Variants in WDR64 observed in about 807,000 individuals in gnomAD.
WDR64 encodes WD repeat domain 64, also known as WD repeat-containing protein 64.
WDR64 carries 112 observed loss-of-function variants against 139.3 expected under a neutral mutation model. The observed-to-expected ratio is 0.80, with a 90% CI of 0.69 to 0.94. WDR64 has a LOEUF of 0.94. Among genes scored for constraint, WDR64 ranks in the 40% least tolerant of loss-of-function variants. The pLI is 0.00. For synonymous variants in WDR64, 444 were observed against 437.7 expected (o/e 1.01, Z -0.18); for missense variants, 1,206 against 1,293.1 (o/e 0.93, Z 1.03).
intron 5 of WDR64, among the ~76,000 whole-genome samples, chr1:241,678,860 GAAAAAAAAAA>G (rs58075238): frequency 3.0e-5 from 1 of 33,620 alleles, no homozygotes; most frequent in African/African-American, 1.2e-4. Flanking sequence ...TTCTTAAACT[GAAAAAAAAAA>G]AAAAAAAAAA....
Position 241,741,573 on chromosome 1 carries a change from TTCC to T in WDR64, c.1382_1384del (p.Pro461del), listed in dbSNP as rs778262228. On this transcript the variant is annotated inframe_deletion, in exon 12 of 28. Coordinates refer to ENST00000437684, the MANE Select transcript of WDR64 (RefSeq NM_001367482.1). ...AGGATGATACAAGATACAAAACAGG[TTCC>T]TCACACTCATGAACGAGAAATCAAT... 7.4e-6 allele frequency: 12 copies of T among 1,613,540 alleles called. No individual in the cohort carries two copies. Among genetic ancestry groups the T allele is most frequent in the Non-Finnish European group, 1.0e-5 (12 of 1,179,806 alleles).
intron 24 of WDR64, 55 bp downstream of exon 24, chr1:241,788,089 G>A (rs1334745621): frequency 1.4e-6 from 2 of 1,447,644 alleles, no homozygotes; most frequent in Non-Finnish European, 1.8e-6. Flanking sequence ...CTGTTGAGAT[G>A]CTGTGGCACT....
intron 21 of WDR64, among the ~76,000 whole-genome samples, chr1:241,777,023 CTTT>C (rs1658679248): frequency 6.6e-6 from 1 of 152,176 alleles, no homozygotes; most frequent in African/African-American, 2.4e-5. Context: ...AAAAGAACTT[CTTT>C]GAGGGCTGCT....
intron 10 of WDR64, among the ~76,000 whole-genome samples, chr1:241,723,939 C>T (rs7554209): frequency 0.065 from 9,782 of 150,402 alleles, 1,065 homozygotes; most frequent in African/African-American, 0.23. Context: ...CAATGGCAAC[C>T]TAAAAATAAG....
chr1:241,722,406 T>C (rs1270835856), intron 9 of WDR64, among the ~76,000 whole-genome samples: 2 of 152,126 alleles, frequency 1.3e-5, no homozygotes, highest in East Asian at 3.8e-4. Context: ...TGTAACATAA[T>C]GATACCACAC....
Position 241,677,746 on chromosome 1 carries a change from T to G in WDR64, c.484-441T>G, listed in dbSNP as rs114524597. On this transcript the variant is annotated intron_variant, in intron 4 of 27. Coordinates refer to ENST00000437684, the MANE Select transcript of WDR64 (RefSeq NM_001367482.1). ...TCTTTTAAGTCTCAACTTGGAGAGA[T>G]AACTTTAAACAAAACAATGGTAGTT... Among the ~76,000 whole-genome samples, 1,381 of 152,328 alleles carry G rather than the reference T, an allele frequency of 9.1e-3. 18 individuals carry two copies. Among genetic ancestry groups the G allele is most frequent in the African/African-American group, 0.031 (1,298 of 41,570 alleles).
intron 14 of WDR64, 107 bp downstream of exon 14, chr1:241,749,829 A>AGGATAAATACCATCTTC: frequency 2.3e-6 from 3 of 1,284,742 alleles, no homozygotes; most frequent in Non-Finnish European, 2.2e-6. Flanking sequence ...TAGCCAGCTG[A>AGGATAAATACCATCTTC]AGATGGTATT....
In WDR64 at chr1:241,738,467, C is replaced by T. The variant is rs929850479; in HGVS notation, c.1299C>T (p.Ala433=). ...DMQIYSMIYD[A]NHGMLITGSS... is the part of the protein sequence containing the mutation. Reference sequence around the variant, plus strand: ...AGATTTACTCTATGATATATGATGCCAATCATGGCATGCTTATTACGGGTA... The same window carrying T: ...AGATTTACTCTATGATATATGATGCTAATCATGGCATGCTTATTACGGGTA... Residue 433 remains alanine, a synonymous_variant, in exon 11 of 28, where the codon GCC becomes GCT. Transcript: ENST00000437684. The T allele has an allele frequency of 5.6e-6, 9 of 1,612,034 alleles. No homozygotes were observed. Among genetic ancestry groups the T allele is most frequent in the Non-Finnish European group, 7.6e-6 (9 of 1,179,198 alleles).
intron 21 of WDR64, among the ~76,000 whole-genome samples, chr1:241,777,935 A>G (rs990868769): frequency 2.6e-5 from 4 of 152,080 alleles, no homozygotes; most frequent in Non-Finnish European, 5.9e-5. Context: ...CCAGAACATG[A>G]TCTATCTTGG....
rs779312990 is a variant in WDR64 at position 241,723,411 on chromosome 1, A to G, written c.1169A>G (p.His390Arg). 2 of 1,613,892 alleles carry G rather than the reference A, an allele frequency of 1.2e-6. No homozygotes were observed. Among genetic ancestry groups the G allele is most frequent in the Admixed American group, 3.3e-5 (2 of 59,994 alleles). The change falls in exon 10 of 28, where the codon CAT (histidine) becomes CGT (arginine). Residue 390 changes from histidine (H) to arginine (R), a missense_variant. By Grantham distance (29) the His-to-Arg change is conservative. Transcript: ENST00000437684. ...AEIVTNEKDQ[H>R]VVSLSSAKVF... The stretch of plus-strand genomic sequence containing the variant: ...ATCGTAACCAATGAAAAAGATCAAC[A>G]TGTCGTCAGCCTTTCCTCTGCAAAG...
chr1:241,755,289 T>G (rs7526586), intron 14 of WDR64, among the ~76,000 whole-genome samples: 113,956 of 151,538 alleles, frequency 0.75, 43,158 homozygotes, highest in Non-Finnish European at 0.8. Flanking sequence ...GTGTCTCTTT[T>G]TGGTTTTGAT....
intron 26 of WDR64, among the ~76,000 whole-genome samples, chr1:241,795,659 G>A (rs1659342270): frequency 6.6e-6 from 1 of 151,998 alleles, no homozygotes; most frequent in Non-Finnish European, 1.5e-5. Context: ...CGTGCCCTAA[G>A]CATCACTGGT....
intron 15 of WDR64, among the ~76,000 whole-genome samples, chr1:241,765,653 C>T (rs540788774): frequency 6.6e-6 from 1 of 152,150 alleles, no homozygotes; most frequent in African/African-American, 2.4e-5. Context: ...TGCCTCCCTC[C>T]GATACAGCAC....
At chr1:241,683,220 G>A (rs1009377722) in intron 6 of WDR64, among the ~76,000 whole-genome samples, 6 of 152,036 alleles carry the variant, frequency 3.9e-5, no homozygotes, top group African/African-American at 7.2e-5. Flanking sequence ...TTACAGTCAC[G>A]CATCAGAAAA....
At chr1:241,714,054 TTGG>T (rs1003120246) in intron 9 of WDR64, among the ~76,000 whole-genome samples, 2 of 152,262 alleles carry the variant, frequency 1.3e-5, no homozygotes, top group South Asian at 2.1e-4. Flanking sequence ...AAGATTCCTT[TTGG>T]TGACAGGAAA....
chr1:241,674,872 T>TCC, intron 4 of WDR64, 125 bp downstream of exon 4: 1 of 138,276 alleles, frequency 7.2e-6, no homozygotes, highest in Non-Finnish European at 1.4e-5. Flanking sequence ...CCTCCCTCCT[T>TCC]TCTTTCTTTC....
chr1:241,662,465 G>A (rs148566123), intron 2 of WDR64, among the ~76,000 whole-genome samples: 2 of 152,294 alleles, frequency 1.3e-5, no homozygotes, highest in African/African-American at 4.8e-5. Context: ...GAAGCTGCCT[G>A]CAGCCCCCAC....
intron 25 of WDR64, 80 bp from the exon 26 acceptor site, chr1:241,795,125 CAG>C: frequency 4.2e-6 from 5 of 1,202,364 alleles, no homozygotes; most frequent in Non-Finnish European, 6.0e-6. Flanking sequence ...TAATAAGTGA[CAG>C]AGTCAGGATT....
intron 15 of WDR64, among the ~76,000 whole-genome samples, chr1:241,758,628 T>C (rs1372236673): frequency 6.6e-6 from 1 of 152,180 alleles, no homozygotes; most frequent in Non-Finnish European, 1.5e-5. Context: ...TTGATGTGTT[T>C]CAGTCAATTT....
Sources: gnomAD v4.1 joint callset for allele counts (sites outside exome capture counted in the v4.1 genomes callset) on GRCh38, gnomAD v4.1.1 for gene constraint, MANE v1.5 for transcripts, NCBI Gene and HGNC (gene_info 2026-07-23, HGNC 2026-07-21) for gene names.